Variants in RNF20 observed in about 807,000 individuals in gnomAD.
RNF20 encodes E3 ubiquitin-protein ligase BRE1A.
A neutral mutation model predicts 126.2 loss-of-function variants in RNF20; 84 were observed. That is an observed-to-expected ratio of 0.67 (90% CI 0.56 to 0.80). RNF20 has a LOEUF of 0.80. RNF20 is among the 30% of genes least tolerant of loss of function. The pLI is 0.00. For synonymous variants in RNF20, 400 were observed against 414.3 expected, an observed-to-expected ratio of 0.97 and a Z score of 0.42; for missense variants, 869 against 1,188.2, an observed-to-expected ratio of 0.73 and a Z score of 3.95.
chr9:101,557,401 C>A lies in RNF20; in HGVS notation c.2187C>A (p.Leu729=), dbSNP rs1776425445. The change falls in exon 16 of 20, where the codon CTC becomes CTA. Residue 729 remains leucine, a synonymous_variant. Coordinates refer to ENST00000389120, the MANE Select transcript of RNF20 (RefSeq NM_019592.7). ...TCCTTTAGGAAGAAGAAGCACTCCTCTCTGAAATGGATGTCACAGGCCAGG... is the reference window on the plus strand; with the variant it reads ...TCCTTTAGGAAGAAGAAGCACTCCTATCTGAAATGGATGTCACAGGCCAGG... ...AMAKQEEEAL[L]SEMDVTGQAF... The A allele has an allele frequency of 6.2e-7, 1 of 1,613,350 alleles. No individual in the cohort carries two copies. The highest frequency in any genetic ancestry group is 1.3e-5 in the African/African-American group (1 of 74,914).
In RNF20 at chr9:101,540,851, A is replaced by G; in HGVS notation, c.504A>G (p.Glu168=). 1 of 1,614,004 alleles carries G rather than the reference A, an allele frequency of 6.2e-7. No homozygotes were observed. Among genetic ancestry groups the G allele is most frequent in the Non-Finnish European group, 8.5e-7 (1 of 1,179,954 alleles). ...FLATLASSSS[E]EMESQLQERV... The stretch of plus-strand genomic sequence containing the variant: ...CTACTTTGGCCAGCAGTTCCAGTGA[A>G]GAGATGGAGTCTCAGCTGCAGGAAC... The change falls in exon 5 of 20, where the codon GAA becomes GAG. Residue 168 remains glutamate (E), a synonymous_variant. Transcript: ENST00000389120.
chr9:101,560,773 G>C, intron 16 of RNF20, 28 bp from the exon 17 acceptor site: 2 of 1,580,236 alleles, frequency 1.3e-6, no homozygotes, highest in South Asian at 2.4e-5. Context: ...CTTTTCATTT[G>C]TGTTAAAATC....
chr9:101,557,351 T>C (rs763886392), intron 15 of RNF20, 33 bp from the exon 16 acceptor site: 1 of 1,532,820 alleles, frequency 6.5e-7, no homozygotes, highest in Admixed American at 1.7e-5. Context: ...TGGAAGATTC[T>C]TCTAAAATCA....
At chr9:101,542,851 GC>G (rs1470082520) in intron 5 of RNF20, among the ~76,000 whole-genome samples, 1 of 152,148 alleles carries the variant, frequency 6.6e-6, no homozygotes, top group Non-Finnish European at 1.5e-5. Flanking sequence ...ATTACAAATA[GC>G]CATGCCATTA....
chr9:101,540,129 G>A lies in RNF20; in HGVS notation c.130-74G>A, dbSNP rs1313031482. The A allele has an allele frequency of 4.4e-6, 6 of 1,363,692 alleles. No homozygotes were observed. The East Asian group carries it at 9.5e-5, about 22-fold the overall frequency. The allele number at this position is 1,363,692 out of a possible 1,614,324, so 84.5% of individuals were successfully genotyped here. A position where few individuals can be genotyped will look rare whatever the true frequency, so the allele number is the denominator to read the frequency against. ...CATAGAAAATAACTAATGAATAATT[G>A]TGACCTTGTTGAGTTTAACGGCTCA... On this transcript the variant is annotated intron_variant, in intron 2 of 19. Coordinates refer to ENST00000389120, the MANE Select transcript of RNF20 (RefSeq NM_019592.7).
chr9:101,559,141 A>G (rs147172554), intron 16 of RNF20, among the ~76,000 whole-genome samples: 2,108 of 152,140 alleles, frequency 0.014, 43 homozygotes, highest in African/African-American at 0.047. Flanking sequence ...TCCTACCACC[A>G]TTTGTTGAAT....
intron 15 of RNF20, among the ~76,000 whole-genome samples, chr9:101,555,164 A>T (rs974363726): frequency 6.6e-6 from 1 of 152,096 alleles, no homozygotes; most frequent in Non-Finnish European, 1.5e-5. Flanking sequence ...TATAGTGAAT[A>T]TAAAATGAAA....
chr9:101,544,767 A>T lies in RNF20; in HGVS notation c.629A>T (p.Asp210Val). The T allele has an allele frequency of 1.9e-6, 3 of 1,585,918 alleles. No homozygotes were observed. The highest frequency in any genetic ancestry group is 2.6e-6 in the Non-Finnish European group (3 of 1,154,460). The change falls in exon 6 of 20, where the codon GAT becomes GTT. Residue 210 changes from aspartate (D) to valine (V), a missense_variant and splice_region_variant. By Grantham distance (152) the Asp-to-Val change is radical (BLOSUM62 -3). Coordinates refer to ENST00000389120, the MANE Select transcript of RNF20 (RefSeq NM_019592.7). The part of the protein sequence containing the change: ...ELLSRKLNSG[D>V]NLIVEEAVQE... ...TTAAAGTATAGTTCTTCTTCCCCAG[A>T]TAATCTGATAGTGGAGGAAGCAGTG...
chr9:101,557,605 G>C lies in RNF20; in HGVS notation c.2382+9G>C. The C allele has an allele frequency of 3.2e-6, 5 of 1,585,142 alleles. No individual in the cohort carries two copies. The South Asian group carries it at 4.4e-5, about 14-fold the overall frequency. On this transcript the variant is annotated intron_variant, in intron 16 of 19. Coordinates refer to ENST00000389120, the MANE Select transcript of RNF20 (RefSeq NM_019592.7). ...TGACTCTGAAGACTCAGGTAATTAG[G>C]ATGAGTAGAGCTTTCTATTCTGTTG...
intron 9 of RNF20, among the ~76,000 whole-genome samples, chr9:101,548,326 TGGG>T (rs1320863185): frequency 6.6e-6 from 1 of 152,184 alleles, no homozygotes; most frequent in Non-Finnish European, 1.5e-5. Flanking sequence ...TTACCAGGGT[TGGG>T]GAAATCGGAA....
intron 16 of RNF20, among the ~76,000 whole-genome samples, chr9:101,557,840 A>G (rs1163323277): frequency 6.6e-6 from 1 of 152,132 alleles, no homozygotes; most frequent in Non-Finnish European, 1.5e-5. Flanking sequence ...AATAAAATCA[A>G]GTGACGTGTT....
intron 15 of RNF20, 123 bp downstream of exon 15, chr9:101,554,966 T>C (rs1032267005): frequency 7.4e-5 from 46 of 622,300 alleles, no homozygotes; most frequent in Non-Finnish European, 9.8e-5. Flanking sequence ...TATTTTTCCT[T>C]TTTGTGTGTG....
In RNF20 at chr9:101,547,163, T is replaced by C. The variant is rs2273976; in HGVS notation, c.921T>C (p.Tyr307=). Residue 307 remains tyrosine (Y), a synonymous_variant, in exon 8 of 20, where the codon TAT becomes TAC. Coordinates refer to ENST00000389120, the MANE Select transcript of RNF20 (RefSeq NM_019592.7). ...TGAATTCCAAAGGTTATAAGGTGTA[T>C]GGAGCGGGGAGCAGTCTGTATGGCG... The part of the protein sequence containing the change: ...ERVNSKGYKV[Y]GAGSSLYGGT... The C allele has an allele frequency of 0.15, 240,327 of 1,613,346 alleles. 18,557 individuals carry two copies. The highest frequency in any genetic ancestry group is 0.2 in the Middle Eastern group (1,208 of 6,062).
chr9:101,544,158 A>C (rs1031914430), intron 5 of RNF20, among the ~76,000 whole-genome samples: 1 of 152,236 alleles, frequency 6.6e-6, no homozygotes, highest in Non-Finnish European at 1.5e-5. Flanking sequence ...TTGGTGTAAT[A>C]AGTTCTATGG....
intron 1 of RNF20, 70 bp from the exon 2 acceptor site, chr9:101,535,328 C>A: frequency 8.0e-7 from 1 of 1,253,810 alleles, no homozygotes; most frequent in Non-Finnish European, 1.1e-6. Flanking sequence ...CTAGTTTTTA[C>A]TCTATTGTTT....
At position 101,540,891 on chromosome 9, in the gene RNF20, C is replaced by T. The variant is rs377247805; in HGVS notation, c.544C>T (p.Arg182Cys). The T allele has an allele frequency of 1.5e-4, 241 of 1,613,704 alleles. No homozygotes were observed. Among genetic ancestry groups the T allele is most frequent in the Non-Finnish European group, 1.9e-4 (229 of 1,179,942 alleles). ...SQLQERVESS[R>C]RAVSQIVTVY... ...GCTGCAGGAACGTGTGGAGTCTTCC[C>T]GCCGAGCCGTGTCCCAGATTGTGAC... The change falls in exon 5 of 20, where the codon CGC becomes TGC. Residue 182 changes from arginine (R) to cysteine (C), a missense_variant. Arg to Cys is a radical substitution (Grantham distance 180, BLOSUM62 -3). This residue lies in a region of RNF20 where 157 missense variants were observed against 236.0 expected (regional missense o/e 0.67). Transcript: ENST00000389120.
chr9:101,538,758 A>T (rs1472966219), intron 2 of RNF20, among the ~76,000 whole-genome samples: 2 of 152,238 alleles, frequency 1.3e-5, no homozygotes, highest in African/African-American at 4.8e-5. Context: ...GGAAAAGAGA[A>T]AAATGAAACA....
At position 101,562,607 on chromosome 9, in the gene RNF20, A is replaced by G. The variant is rs1055181033; in HGVS notation, c.*185A>G. The G allele has an allele frequency of 5.6e-6, 3 of 536,200 alleles. No individual in the cohort carries two copies. Among genetic ancestry groups the G allele is most frequent in the Non-Finnish European group, 9.8e-6 (3 of 306,462 alleles). 33.2% of individuals were successfully genotyped at this position (536,200 alleles called of 1,614,324 possible). A position where few individuals can be genotyped will look rare whatever the true frequency, so the allele number is the denominator to read the frequency against. ...GATGACTTTAGCAGAAAGGACTGGT[A>G]AATACAAGCCTTGGGTTTCAGAATG... On this transcript the variant is annotated 3_prime_UTR_variant, in exon 20 of 20. Transcript: ENST00000389120.
chr9:101,535,672 A>C, intron 2 of RNF20, 120 bp downstream of exon 2: 1 of 1,061,516 alleles, frequency 9.4e-7, no homozygotes. Context: ...AGGGAAATAA[A>C]ACAGGCTGAA....
Sources: allele counts gnomAD v4.1 joint callset (sites outside exome capture counted in the v4.1 genomes callset), GRCh38; gene constraint gnomAD v4.1.1; regional missense constraint gnomAD v4.1.1; transcripts MANE v1.5; gene names NCBI Gene and HGNC (gene_info 2026-07-23, HGNC 2026-07-21).